Variants in ZNF839 observed in about 807,000 individuals in gnomAD.
ZNF839 encodes the protein renal carcinoma antigen NY-REN-50.
Under a neutral mutation model 56.4 loss-of-function variants are expected in ZNF839, and 38 were observed. The ratio of observed to expected loss-of-function variants is 0.67; its 90% confidence interval spans 0.52 to 0.88. The LOEUF is 0.88. Ranked by LOEUF, ZNF839 falls within the 40% of genes least tolerant of loss-of-function variation. The pLI, the probability that ZNF839 is intolerant of heterozygous loss-of-function variation, is 0.00. For missense variants in ZNF839, 1,091 were observed against 1,177.6 expected (o/e 0.93, Z 1.08); for synonymous variants, 486 against 493.5 (o/e 0.98, Z 0.20).
chr14:102,334,216 G>A (rs914005632), intron 3 of ZNF839, among the ~76,000 whole-genome samples: 13 of 152,182 alleles, frequency 8.5e-5, no homozygotes, highest in Non-Finnish European at 1.8e-4. Context: ...GTCTCCAGGC[G>A]CCGCCTCCAG....
chr14:102,336,743 T>TTTC (rs1885772635), intron 5 of ZNF839: 1 of 344,776 alleles, frequency 2.9e-6, no homozygotes, highest in African/African-American at 2.2e-5. Context: ...CTTTTTTTTT[T>TTTC]TTTGTTTTGA....
At chr14:102,325,016 G>T (rs1361518087) in intron 1 of ZNF839, among the ~76,000 whole-genome samples, 2 of 152,120 alleles carry the variant, frequency 1.3e-5, no homozygotes, top group African/African-American at 4.8e-5. Flanking sequence ...CACTGGTCAT[G>T]AAATCAACTT....
Position 102,332,190 on chromosome 14 carries a change from T to C in ZNF839, c.1416+344T>C, listed in dbSNP as rs2073818742. 6.6e-6 allele frequency among the ~76,000 whole-genome samples: 1 copy of C among 152,142 alleles called. No individual in the cohort carries two copies. The highest frequency in any genetic ancestry group is 1.5e-5 in the Non-Finnish European group (1 of 68,028). ...CACTGTCATCCAGGCTGGAGTGCAG[T>C]GGTGCCATCCCGGCTCACTGTGCTT... On this transcript the variant is annotated intron_variant, in intron 3 of 7. Coordinates refer to ENST00000442396, the MANE Select transcript of ZNF839 (RefSeq NM_018335.6). The surrounding 1 kb of genome is among the most constrained non-coding windows in gnomAD (Gnocchi z 4.9).
rs561908604 is a variant in ZNF839, at chr14:102,332,224, C to G, written c.1416+378C>G. Among the ~76,000 whole-genome samples the G allele has an allele frequency of 6.6e-6, 1 of 152,206 alleles. No homozygotes were observed. The highest frequency in any genetic ancestry group is 2.1e-4 in the South Asian group (1 of 4,818). ...CCCGGCTCACTGTGCTTCTCCACCTCCCAGGTTCAAGCGATTCTCCTTCCT... is the reference window on the plus strand; with the variant it reads ...CCCGGCTCACTGTGCTTCTCCACCTGCCAGGTTCAAGCGATTCTCCTTCCT... On this transcript the variant is annotated intron_variant, in intron 3 of 7. Transcript: ENST00000442396. The surrounding 1 kb of genome is among the most constrained non-coding windows in gnomAD (Gnocchi z 4.9).
At chr14:102,336,122 T>G (rs1045209363) in intron 5 of ZNF839, among the ~76,000 whole-genome samples, 1 of 150,894 alleles carries the variant, frequency 6.6e-6, no homozygotes, top group Non-Finnish European at 1.5e-5. Flanking sequence ...GAGGTTGCAG[T>G]AAGCTGAGAT....
chr14:102,325,029 T>C (rs1043742460), intron 1 of ZNF839, among the ~76,000 whole-genome samples: 1 of 152,044 alleles, frequency 6.6e-6, no homozygotes, highest in Admixed American at 6.6e-5. Flanking sequence ...ATCAACTTAG[T>C]GGATTATGAC....
intron 1 of ZNF839, among the ~76,000 whole-genome samples, chr14:102,325,342 A>AC: frequency 9.3e-6 from 1 of 108,064 alleles, no homozygotes; most frequent in South Asian, 3.0e-4. Context: ...CTAATCTCAG[A>AC]AAAAAAAAAA....
intron 1 of ZNF839, among the ~76,000 whole-genome samples, chr14:102,323,368 C>T (rs2073234969): frequency 6.6e-6 from 1 of 152,172 alleles, no homozygotes; most frequent in Non-Finnish European, 1.5e-5. Context: ...TCTTTTTCTC[C>T]CTGGAGGAAA....
chr14:102,321,312 C>G (rs2073115718), intron 1 of ZNF839, among the ~76,000 whole-genome samples: 1 of 152,244 alleles, frequency 6.6e-6, no homozygotes, highest in Admixed American at 6.5e-5. Flanking sequence ...GAAACAAGCT[C>G]AGGGAGGTTG....
chr14:102,330,987 GGGA>G (rs1216927046), intron 2 of ZNF839, among the ~76,000 whole-genome samples: 1 of 152,168 alleles, frequency 6.6e-6, no homozygotes, highest in Non-Finnish European at 1.5e-5. Context: ...CCTGTCGGGA[GGGA>G]GGAGGAGGAG....
upstream of ZNF839, among the ~76,000 whole-genome samples, chr14:102,318,627 T>A (rs1305706175): frequency 1.0e-4 from 15 of 143,128 alleles, no homozygotes; most frequent in African/African-American, 4.1e-4. Context: ...AGTGAGATCT[T>A]GTCTCAAAAA....
intron 1 of ZNF839, among the ~76,000 whole-genome samples, chr14:102,325,288 G>A (rs1270161200): frequency 6.7e-6 from 1 of 148,762 alleles, no homozygotes; most frequent in Non-Finnish European, 1.5e-5. Flanking sequence ...ACAGTGAACT[G>A]AGATCGCACC....
At chr14:102,336,914 C>T (rs980831971) in intron 5 of ZNF839, 12 of 199,940 alleles carry the variant, frequency 6.0e-5, no homozygotes, top group African/African-American at 2.2e-4. Context: ...TTAAATTTTT[C>T]GTAGAGAAGG....
chr14:102,328,525 G>A (rs2073595446), intron 2 of ZNF839, among the ~76,000 whole-genome samples: 1 of 150,546 alleles, frequency 6.6e-6, no homozygotes, highest in Admixed American at 6.7e-5. Context: ...GTGTTGTGCA[G>A]CCATCACCCC....
rs753194427 is a variant in ZNF839, at chr14:102,326,077, T to G, written c.381T>G (p.Thr127=). The change falls in exon 2 of 8, where the codon ACT becomes ACG. Residue 127 remains threonine (T), a synonymous_variant. Coordinates refer to ENST00000442396, the MANE Select transcript of ZNF839 (RefSeq NM_018335.6). This position sits in a 1 kb window ranked among gnomAD's most constrained non-coding sequence, Gnocchi z 4.3. ...MLLPTTIQPQ[T]ARKSQLPRGN... Reference sequence around the variant, plus strand: ...TACCGACCACAATCCAGCCCCAAACTGCAAGAAAGAGCCAGCTGCCCCGGG... The same window carrying G: ...TACCGACCACAATCCAGCCCCAAACGGCAAGAAAGAGCCAGCTGCCCCGGG... 8 of 1,613,688 alleles carry G rather than the reference T, an allele frequency of 5.0e-6. No individual in the cohort carries two copies. Among genetic ancestry groups the G allele is most frequent in the Non-Finnish European group, 6.8e-6 (8 of 1,179,834 alleles).
chr14:102,340,951 T>G (rs895161295), intron 7 of ZNF839, among the ~76,000 whole-genome samples: 1 of 150,618 alleles, frequency 6.6e-6, no homozygotes, highest in African/African-American at 2.4e-5. Flanking sequence ...ATGCCTGTAA[T>G]CCCAGCTATC....
At position 102,326,262 on chromosome 14, in the gene ZNF839, C is replaced by T. The variant is rs1438066683; in HGVS notation, c.566C>T (p.Pro189Leu). The stretch of plus-strand genomic sequence containing the variant: ...CCACTGCCAGCCCTCCAGGTGGTCC[C>T]TGCAAAGAGAGTCCCAGCCCCCAAG... The part of the protein sequence containing the change: ...QRPLPALQVV[P>L]AKRVPAPKAP... Residue 189 changes from proline (P) to leucine (L), a missense_variant, in exon 2 of 8, where the codon CCT becomes CTT. Pro to Leu is a moderately conservative substitution (Grantham distance 98, BLOSUM62 -3). Transcript: ENST00000442396. This position sits in a 1 kb window ranked among gnomAD's most constrained non-coding sequence, Gnocchi z 4.3. 6.2e-7 allele frequency: 1 copy of T among 1,613,836 alleles called. No homozygotes were observed. Among genetic ancestry groups the T allele is most frequent in the South Asian group, 1.1e-5 (1 of 91,060 alleles).
Position 102,319,792 on chromosome 14 carries a change from G to T in ZNF839, c.27G>T (p.Gly9=). 8.1e-7 allele frequency: 1 copy of T among 1,232,608 alleles called. No homozygotes were observed. The highest frequency in any genetic ancestry group is 4.2e-5 in the Admixed American group (1 of 23,600). 76.4% of individuals were successfully genotyped at this position (1,232,608 alleles called of 1,614,324 possible). Residue 9 remains glycine, a synonymous_variant, in exon 1 of 8, where the codon GGG becomes GGT. Coordinates refer to ENST00000442396, the MANE Select transcript of ZNF839 (RefSeq NM_018335.6). This position sits in a 1 kb window ranked among gnomAD's most constrained non-coding sequence, Gnocchi z 4.5. ...TGGCGGATGCGGAGCCGGAGGCTGG[G>T]GGCGGCAGCGAGGATGGCGGCGGCG... MADAEPEA[G]GGSEDGGGGG...
chr14:102,341,408 G>A lies in ZNF839; in HGVS notation c.2013G>A (p.Val671=). The A allele has an allele frequency of 6.3e-7, 1 of 1,580,620 alleles. No homozygotes were observed. The highest frequency in any genetic ancestry group is 8.6e-7 in the Non-Finnish European group (1 of 1,163,380). ...CGGTTTCTGGTGGCAATGGGAGCGTGTTCCAGGCGGGCCCGCAGCTTCAGG... is the reference window on the plus strand; with the variant it reads ...CGGTTTCTGGTGGCAATGGGAGCGTATTCCAGGCGGGCCCGCAGCTTCAGG... ...TTTVSGGNGS[V]FQAGPQLQAL... Residue 671 remains valine (V), a synonymous_variant, in exon 8 of 8, where the codon GTG becomes GTA. Transcript: ENST00000442396.
Sources: allele counts gnomAD v4.1 joint callset (sites outside exome capture counted in the v4.1 genomes callset), GRCh38; gene constraint gnomAD v4.1.1; non-coding constraint Gnocchi (gnomAD v3.1); transcripts MANE v1.5; gene names NCBI Gene and HGNC (gene_info 2026-07-23, HGNC 2026-07-21).